Variants in ZNF385D observed in about 807,000 individuals in gnomAD.
The protein encoded by ZNF385D is zinc finger protein 385D.
ZNF385D carries 15 observed loss-of-function variants against 35.8 expected under a neutral mutation model. The ratio of observed to expected loss-of-function variants is 0.42; its 90% CI spans 0.28 to 0.64. ZNF385D has a LOEUF of 0.64. ZNF385D is among the 30% of genes least tolerant of loss of function. The probability of loss-of-function intolerance (pLI) is 0.23; values close to 1 mark genes in which losing one functional copy is unlikely to be tolerated. For synonymous variants in ZNF385D, 212 were observed against 186.8 expected (o/e 1.13, Z -1.10); for missense variants, 474 against 494.6 (o/e 0.96, Z 0.39).
intron 4 of ZNF385D, among the ~76,000 whole-genome samples, chr3:21,496,450 A>C (rs1575049786): frequency 7.8e-6 from 1 of 128,654 alleles, no homozygotes. Context: ...ATACACACAT[A>C]TTTGATATAT....
intron 2 of ZNF385D, among the ~76,000 whole-genome samples, chr3:22,214,376 G>C (rs1355881793): frequency 1.3e-5 from 2 of 152,048 alleles, no homozygotes; most frequent in African/African-American, 4.8e-5. Context: ...TGTAGGGCAT[G>C]TGTGTTTGAA....
chr3:21,847,591 A>T (rs776629145), intron 3 of ZNF385D, among the ~76,000 whole-genome samples: 46 of 152,114 alleles, frequency 3.0e-4, no homozygotes, highest in African/African-American at 1.1e-3. Context: ...TGAATGTAAC[A>T]ATATTTTTGC....
chr3:22,185,710 C>T (rs1695585003), intron 2 of ZNF385D, among the ~76,000 whole-genome samples: 1 of 152,212 alleles, frequency 6.6e-6, no homozygotes, highest in South Asian at 2.1e-4. Context: ...TCATGATCCA[C>T]CCGCCTTGGC....
intron 1 of ZNF385D, among the ~76,000 whole-genome samples, chr3:21,741,138 G>A (rs1166278861): frequency 1.3e-5 from 2 of 152,092 alleles, no homozygotes; most frequent in Admixed American, 1.3e-4. Context: ...CATCAGGGCT[G>A]TTCACAAAGG....
intron 3 of ZNF385D, among the ~76,000 whole-genome samples, chr3:22,034,825 G>A (rs1698212884): frequency 6.6e-6 from 1 of 152,034 alleles, no homozygotes; most frequent in Non-Finnish European, 1.5e-5. Flanking sequence ...TTTTAAAACT[G>A]TCCTTGATAT....
At chr3:21,673,366 CAG>C in intron 1 of ZNF385D, among the ~76,000 whole-genome samples, 1 of 152,264 alleles carries the variant, frequency 6.6e-6, no homozygotes, top group East Asian at 1.9e-4. Flanking sequence ...TCCATTCTCA[CAG>C]AAGGTGCTAT....
intron 2 of ZNF385D, among the ~76,000 whole-genome samples, chr3:21,660,925 G>T (rs2066220495): frequency 6.6e-6 from 1 of 152,148 alleles, no homozygotes; most frequent in Non-Finnish European, 1.5e-5. Context: ...CAGCACCAGG[G>T]CCACCCCTGC....
intron 3 of ZNF385D, among the ~76,000 whole-genome samples, chr3:21,841,932 A>C (rs1457990491): frequency 6.6e-6 from 1 of 151,662 alleles, no homozygotes; most frequent in Admixed American, 6.6e-5. Context: ...ATACACATAT[A>C]TACATATATA....
chr3:22,171,757 G>C (rs992112234), intron 2 of ZNF385D, among the ~76,000 whole-genome samples: 3 of 151,412 alleles, frequency 2.0e-5, no homozygotes, highest in Non-Finnish European at 4.4e-5. Context: ...GGCGCCTGTA[G>C]TTCCAGCTAC....
chr3:21,732,030 G>GTTTTTTTTTT lies in ZNF385D; in HGVS notation c.22+18855_22+18864dup, dbSNP rs1214143626. ...TTCAGGGTTTTTTTCTTTTTTCGGG[G>GTTTTTTTTTT]TTTTTTTTTTTTTTTTTTTTTTTTT... On this transcript the variant is annotated intron_variant, in intron 1 of 7. Coordinates refer to ENST00000281523, the MANE Select transcript of ZNF385D (RefSeq NM_024697.3). Among the ~76,000 whole-genome samples the GTTTTTTTTTT allele has an allele frequency of 5.4e-4, 20 of 37,368 alleles. 1 individual carries two copies. Among genetic ancestry groups the GTTTTTTTTTT allele is most frequent in the South Asian group, 8.2e-4 (1 of 1,218 alleles). 24.5% of individuals were successfully genotyped at this position (37,368 alleles called of 152,430 possible). A position where few individuals can be genotyped will look rare whatever the true frequency, so the allele number is the denominator to read the frequency against.
chr3:22,063,651 C>T (rs1051233777), intron 3 of ZNF385D, among the ~76,000 whole-genome samples: 1 of 152,084 alleles, frequency 6.6e-6, no homozygotes, highest in Non-Finnish European at 1.5e-5. Flanking sequence ...AGGATTCATG[C>T]CCCAGCTGCT....
chr3:21,997,831 G>T (rs905774386), intron 3 of ZNF385D, among the ~76,000 whole-genome samples: 1 of 151,646 alleles, frequency 6.6e-6, no homozygotes, highest in Non-Finnish European at 1.5e-5. Flanking sequence ...GAATCTGGTG[G>T]GGTTTTTTGT....
At chr3:21,505,668 T>C (rs745720889) in intron 4 of ZNF385D, among the ~76,000 whole-genome samples, 1 of 152,086 alleles carries the variant, frequency 6.6e-6, no homozygotes, top group Non-Finnish European at 1.5e-5. Context: ...AACTTTCTCT[T>C]AATAAGAGAA....
At chr3:22,298,728 G>C (rs993457895) in intron 2 of ZNF385D, among the ~76,000 whole-genome samples, 4 of 149,316 alleles carry the variant, frequency 2.7e-5, no homozygotes, top group African/African-American at 7.3e-5. Flanking sequence ...AAAATAAAAT[G>C]ATCTAATTTC....
chr3:21,890,855 T>C (rs1698819231), intron 3 of ZNF385D, among the ~76,000 whole-genome samples: 2 of 152,160 alleles, frequency 1.3e-5, no homozygotes. Flanking sequence ...ACAGACACCA[T>C]GAACTTTCAG....
intron 3 of ZNF385D, among the ~76,000 whole-genome samples, chr3:22,128,964 G>T (rs1156897204): frequency 6.6e-6 from 1 of 152,054 alleles, no homozygotes; most frequent in East Asian, 1.9e-4. Context: ...TGTCCTACTT[G>T]AGAAGGTTTT....
At chr3:21,973,293 A>C (rs1703383359) in intron 3 of ZNF385D, among the ~76,000 whole-genome samples, 1 of 152,038 alleles carries the variant, frequency 6.6e-6, no homozygotes, top group African/African-American at 2.4e-5. Context: ...GATATCTTAT[A>C]TCAGTAGAAT....
chr3:21,553,064 G>A (rs1260367780), intron 3 of ZNF385D, among the ~76,000 whole-genome samples: 1 of 152,072 alleles, frequency 6.6e-6, no homozygotes, highest in Admixed American at 6.6e-5. Flanking sequence ...ATGAAATGGG[G>A]TCACAAGTCA....
At chr3:22,203,532 A>G (rs1228889553) in intron 2 of ZNF385D, among the ~76,000 whole-genome samples, 1 of 152,106 alleles carries the variant, frequency 6.6e-6, no homozygotes, top group Non-Finnish European at 1.5e-5. Flanking sequence ...CCACAAGGAT[A>G]GAGTATCGAG....
Sources: gnomAD v4.1 joint callset for allele counts (sites outside exome capture counted in the v4.1 genomes callset) on GRCh38, gnomAD v4.1.1 for gene constraint, MANE v1.5 for transcripts, NCBI Gene and HGNC (gene_info 2026-07-23, HGNC 2026-07-21) for gene names.